Variants in EYA4 observed in about 807,000 individuals in gnomAD.
EYA4 encodes the protein EYA transcriptional coactivator and phosphatase 4, also known as protein phosphatase EYA4.
Under a neutral mutation model 87.9 loss-of-function variants are expected in EYA4, and 31 were observed. That is an observed-to-expected ratio of 0.35 (90% CI 0.27 to 0.48). The LOEUF is 0.48. Among genes scored for constraint, EYA4 ranks in the 20% least tolerant of loss-of-function variants. EYA4 has a pLI of 0.99. For missense variants in EYA4, 678 were observed against 761.4 expected (o/e 0.89, Z 1.29); for synonymous variants, 263 against 270.6 (o/e 0.97, Z 0.28).
intron 2 of EYA4, among the ~76,000 whole-genome samples, chr6:133,330,181 A>G (rs915091414): frequency 6.6e-6 from 1 of 152,134 alleles, no homozygotes; most frequent in Admixed American, 6.5e-5. Flanking sequence ...TGATAGAGAT[A>G]ATAAAGTCAA....
At chr6:133,328,518 A>G (rs1350319718) in intron 2 of EYA4, among the ~76,000 whole-genome samples, 1 of 152,188 alleles carries the variant, frequency 6.6e-6, no homozygotes, top group Non-Finnish European at 1.5e-5. Flanking sequence ...AAAGAGAAAA[A>G]TACTTGGTTT....
intron 1 of EYA4, among the ~76,000 whole-genome samples, chr6:133,251,103 A>G (rs1209450700): frequency 6.6e-6 from 1 of 152,250 alleles, no homozygotes; most frequent in Non-Finnish European, 1.5e-5. Flanking sequence ...TACGTTGTGC[A>G]GTAATATTTC....
At chr6:133,430,118 T>C (rs77422913) in intron 3 of EYA4, among the ~76,000 whole-genome samples, 12,817 of 152,200 alleles carry the variant, frequency 0.084, 1,602 homozygotes, top group African/African-American at 0.27. Flanking sequence ...GAACATGCGG[T>C]ATTTGGTTTT....
At chr6:133,352,454 A>G (rs569610838) in intron 2 of EYA4, among the ~76,000 whole-genome samples, 92 of 152,260 alleles carry the variant, frequency 6.0e-4, no homozygotes, top group Middle Eastern at 6.8e-3. Context: ...AGTGAAAGAA[A>G]CTACACAACA....
At chr6:133,514,507 T>C (rs886555099) in intron 16 of EYA4, among the ~76,000 whole-genome samples, 1 of 152,194 alleles carries the variant, frequency 6.6e-6, no homozygotes, top group Non-Finnish European at 1.5e-5. Context: ...CTCTCTATTA[T>C]AATGAGGACA....
chr6:133,335,743 C>T (rs183194292), intron 2 of EYA4, among the ~76,000 whole-genome samples: 1 of 152,052 alleles, frequency 6.6e-6, no homozygotes, highest in East Asian at 1.9e-4. Context: ...AATGGAACCC[C>T]GAAAACAAAG....
chr6:133,367,293 G>A (rs2128457893), intron 2 of EYA4, among the ~76,000 whole-genome samples: 1 of 152,322 alleles, frequency 6.6e-6, no homozygotes, highest in South Asian at 2.1e-4. Flanking sequence ...ACGAAGAAAG[G>A]AAGTATGTAA....
At chr6:133,463,150 A>G (rs969229649) in intron 9 of EYA4, among the ~76,000 whole-genome samples, 17 of 152,076 alleles carry the variant, frequency 1.1e-4, no homozygotes, top group African/African-American at 3.9e-4. Context: ...GATTATACTT[A>G]AACTTGAATT....
chr6:133,499,487 G>T (rs1030968588), intron 13 of EYA4, among the ~76,000 whole-genome samples: 1 of 152,128 alleles, frequency 6.6e-6, no homozygotes, highest in African/African-American at 2.4e-5. Context: ...ATTCCCTTCT[G>T]ACTGAAACTG....
chr6:133,265,928 A>C (rs2128249046), intron 1 of EYA4, among the ~76,000 whole-genome samples: 1 of 152,356 alleles, frequency 6.6e-6, no homozygotes, highest in Non-Finnish European at 1.5e-5. Flanking sequence ...ATGGTGGTGC[A>C]TCTGGAAAAT....
chr6:133,498,654 C>G (rs1425634728), intron 13 of EYA4, among the ~76,000 whole-genome samples: 1 of 152,056 alleles, frequency 6.6e-6, no homozygotes, highest in Non-Finnish European at 1.5e-5. Context: ...ACAGAATTTG[C>G]AAGACTCAAA....
At chr6:133,324,904 ATTTT>A (rs756478373) in intron 2 of EYA4, among the ~76,000 whole-genome samples, 6 of 83,572 alleles carry the variant, frequency 7.2e-5, no homozygotes, top group African/African-American at 1.9e-4. Flanking sequence ...TTCAGAAGCT[ATTTT>A]TTTTTTTTTT....
intron 2 of EYA4, among the ~76,000 whole-genome samples, chr6:133,332,570 C>T (rs1337375213): frequency 6.6e-6 from 1 of 152,064 alleles, no homozygotes; most frequent in African/African-American, 2.4e-5. Flanking sequence ...CAGTCTTGCT[C>T]TGTCGCCAGT....
intron 1 of EYA4, among the ~76,000 whole-genome samples, chr6:133,270,013 T>C (rs1432011606): frequency 1.3e-5 from 2 of 152,134 alleles, no homozygotes; most frequent in African/African-American, 4.8e-5. Context: ...GGCCAGTCTC[T>C]CTTTTTCACA....
intron 2 of EYA4, among the ~76,000 whole-genome samples, chr6:133,279,852 G>C (rs1562241296): frequency 6.6e-6 from 1 of 152,054 alleles, no homozygotes; most frequent in East Asian, 1.9e-4. Flanking sequence ...TTATCATCTA[G>C]ACATAGAACT....
rs146620025 is a variant in EYA4 at position 133,315,272 on chromosome 6, A to G, written c.33+40459A>G. On this transcript the variant is annotated intron_variant, in intron 2 of 19. Coordinates refer to ENST00000355286, the MANE Select transcript of EYA4 (RefSeq NM_004100.5). ...AGCAACCACAGAGTCTGTTTTTTAT[A>G]GAATATTTTCCCAGTGCTTTTGGAA... Among the ~76,000 whole-genome samples the G allele has an allele frequency of 1.9e-3, 288 of 152,302 alleles. 1 individual carries two copies. Among genetic ancestry groups the G allele is most frequent in the African/African-American group, 6.4e-3 (268 of 41,570 alleles).
chr6:133,271,190 G>A (rs2104031), intron 1 of EYA4, among the ~76,000 whole-genome samples: 6,368 of 152,170 alleles, frequency 0.042, 477 homozygotes, highest in African/African-American at 0.14. Flanking sequence ...GATTCAGAGC[G>A]TACATGGCTT....
At chr6:133,356,649 G>C (rs1161139174) in intron 2 of EYA4, among the ~76,000 whole-genome samples, 1 of 151,794 alleles carries the variant, frequency 6.6e-6, no homozygotes, top group Non-Finnish European at 1.5e-5. Context: ...AAGATATAAG[G>C]ACCAAAGAGT....
At chr6:133,451,083 G>A (rs115920110) in intron 5 of EYA4, among the ~76,000 whole-genome samples, 1 of 152,214 alleles carries the variant, frequency 6.6e-6, no homozygotes, top group South Asian at 2.1e-4. Flanking sequence ...AGGCCTTGTG[G>A]GCTGTCTGCT....
Sources: gnomAD v4.1 joint callset for allele counts (sites outside exome capture counted in the v4.1 genomes callset) on GRCh38, gnomAD v4.1.1 for gene constraint, MANE v1.5 for transcripts, NCBI Gene and HGNC (gene_info 2026-07-23, HGNC 2026-07-21) for gene names.